Variants in C5orf24 observed in about 807,000 individuals in gnomAD.
The protein encoded by C5orf24 is UPF0461 protein C5orf24.
In C5orf24, 4 loss-of-function variants were observed where a neutral mutation model predicts 9.8. The ratio of observed to expected loss-of-function variants is 0.41; its 90% CI spans 0.20 to 0.93. The LOEUF (loss-of-function observed/expected upper bound fraction) is 0.93. Ranked by LOEUF, C5orf24 falls within the 40% of genes least tolerant of loss-of-function variation. C5orf24 has a pLI of 0.33. For missense variants in C5orf24, 170 were observed against 236.9 expected, an observed-to-expected ratio of 0.72 and a Z score of 1.85; for synonymous variants, 73 against 81.3, an observed-to-expected ratio of 0.90 and a Z score of 0.55.
In C5orf24 at chr5:134,855,608, C is replaced by G; in HGVS notation, c.*141C>G. 1 of 1,480,294 alleles carries G rather than the reference C, an allele frequency of 6.8e-7. No individual in the cohort carries two copies. Among genetic ancestry groups the G allele is most frequent in the Non-Finnish European group, 8.9e-7 (1 of 1,118,830 alleles). The allele number at this position is 1,480,294 out of a possible 1,614,324, so 91.7% of individuals were successfully genotyped here. On this transcript the variant is annotated 3_prime_UTR_variant, in exon 2 of 2. Transcript: ENST00000394976. ...CTGTTTGGTTTTTTTCCTGCTTTTG[C>G]TCAAAAACTGCCATATGCTGACAGA...
chr5:134,846,956 GTGATCTT>G (rs1756013865), intron 1 of C5orf24: 1 of 152,166 alleles, frequency 6.6e-6, no homozygotes, highest in Non-Finnish European at 1.5e-5. Flanking sequence ...TGAGAATTAC[GTGATCTT>G]TGATCTTTGG....
Position 134,857,280 on chromosome 5 carries a change from T to C in C5orf24, c.*1813T>C. 3 of 1,467,666 alleles carry C rather than the reference T, an allele frequency of 2.0e-6. No individual in the cohort carries two copies. The highest frequency in any genetic ancestry group is 2.7e-6 in the Non-Finnish European group (3 of 1,097,626). 90.9% of individuals were successfully genotyped at this position (1,467,666 alleles called of 1,614,324 possible). A position where few individuals can be genotyped will look rare whatever the true frequency, so the allele number is the denominator to read the frequency against. On this transcript the variant is annotated 3_prime_UTR_variant, in exon 2 of 2. Transcript: ENST00000394976. Reference sequence around the variant, plus strand: ...ATAATTAAAATTTTAAAAGAGCACATGTTGTGTTTTTTGGGCTTGCTATTA... The same window carrying C: ...ATAATTAAAATTTTAAAAGAGCACACGTTGTGTTTTTTGGGCTTGCTATTA...
chr5:134,843,795 T>G (rs1755934688), upstream of C5orf24, among the ~76,000 whole-genome samples: 1 of 152,220 alleles, frequency 6.6e-6, no homozygotes, highest in African/African-American at 2.4e-5. Context: ...TTTCAGGGGA[T>G]CCACCCGCCT....
intron 1 of C5orf24, among the ~76,000 whole-genome samples, chr5:134,847,721 T>C (rs1035767101): frequency 3.6e-5 from 5 of 138,858 alleles, no homozygotes; most frequent in Admixed American, 7.2e-5. Flanking sequence ...TTTTTTTTTT[T>C]CCTGAGATGG....
chr5:134,855,139 A>G lies in C5orf24; in HGVS notation c.239A>G (p.Lys80Arg), dbSNP rs767841849. The G allele has an allele frequency of 2.5e-6, 4 of 1,614,124 alleles. No homozygotes were observed. The highest frequency in any genetic ancestry group is 1.6e-4 in the Middle Eastern group (1 of 6,062). The change falls in exon 2 of 2, where the codon AAA (lysine) becomes AGA (arginine). Residue 80 changes from lysine (K) to arginine (R), a missense_variant. Around this residue, in one of 3 missense-constraint regions of C5orf24, gnomAD observed 93 missense variants for 104.5 expected, o/e 0.89. Transcript: ENST00000394976. ...RSIEIKDELK[K>R]KKNLNRSGKR... ...ATAGAAATAAAAGATGAACTAAAGAAAAAGAAGAATCTCAACCGATCTGGT... is the reference window on the plus strand; with the variant it reads ...ATAGAAATAAAAGATGAACTAAAGAGAAAGAAGAATCTCAACCGATCTGGT...
In C5orf24 at chr5:134,856,121, T is replaced by G. The variant is rs1756303543; in HGVS notation, c.*654T>G. 1.0e-6 allele frequency: 1 copy of G among 1,000,162 alleles called. No homozygotes were observed. The highest frequency in any genetic ancestry group is 1.7e-5 in the African/African-American group (1 of 57,238). 62.0% of individuals were successfully genotyped at this position (1,000,162 alleles called of 1,614,324 possible). On this transcript the variant is annotated 3_prime_UTR_variant, in exon 2 of 2. Coordinates refer to ENST00000394976, the MANE Select transcript of C5orf24 (RefSeq NM_001135586.1). ...TGTTTGCCTTTGAGCAGTGATAGGT[T>G]GTGTATTTTTTAATTGCCTAAGAGC...
the C5orf24 span, among the ~76,000 whole-genome samples, chr5:134,837,184 G>C: frequency 1.3e-5 from 2 of 151,938 alleles, no homozygotes; most frequent in African/African-American, 4.8e-5. Context: ...TGTTGGTCAG[G>C]CTGGTCTAGA....
the C5orf24 span, among the ~76,000 whole-genome samples, chr5:134,837,652 A>G: frequency 2.6e-5 from 4 of 151,132 alleles, no homozygotes; most frequent in African/African-American, 9.7e-5. Flanking sequence ...CCCTTCTGCC[A>G]TGTGAGAACA....
At chr5:134,853,577 A>G (rs529998154) in intron 1 of C5orf24, among the ~76,000 whole-genome samples, 18 of 109,884 alleles carry the variant, frequency 1.6e-4, no homozygotes, top group Non-Finnish European at 2.4e-4. Context: ...GAATCTTGCT[A>G]TGCTGCCCAG....
At chr5:134,840,710 T>C (rs1038890559), upstream of C5orf24, among the ~76,000 whole-genome samples, 1 of 151,940 alleles carries the variant, frequency 6.6e-6, no homozygotes, top group Non-Finnish European at 1.5e-5. Context: ...TTTTTTTTTT[T>C]CTGGTATTGG....
chr5:134,849,531 G>T (rs879335610), intron 1 of C5orf24, among the ~76,000 whole-genome samples: 1 of 150,660 alleles, frequency 6.6e-6, no homozygotes, highest in Admixed American at 6.6e-5. Context: ...TAAATTCCTT[G>T]TCCAGCTTGT....
intron 1 of C5orf24, among the ~76,000 whole-genome samples, chr5:134,850,116 T>C (rs548499136): frequency 3.1e-4 from 47 of 152,246 alleles, no homozygotes; most frequent in Admixed American, 9.8e-4. Context: ...TTCTGGACAA[T>C]ATTGAAGGAA....
chr5:134,853,224 G>A (rs887593985), intron 1 of C5orf24, among the ~76,000 whole-genome samples: 7 of 151,972 alleles, frequency 4.6e-5, no homozygotes, highest in African/African-American at 1.4e-4. Flanking sequence ...AGCCAGGCGT[G>A]GTGGCACATG....
chr5:134,845,797 T>C (rs1406511947), upstream of C5orf24: 1 of 152,242 alleles, frequency 6.6e-6, no homozygotes, highest in African/African-American at 2.4e-5. Flanking sequence ...CTGGGGACGG[T>C]CCACGCCGGA....
chr5:134,843,207 C>G (rs952386546), upstream of C5orf24, among the ~76,000 whole-genome samples: 1 of 151,946 alleles, frequency 6.6e-6, no homozygotes, highest in Admixed American at 6.6e-5. Context: ...GAACTTCTGG[C>G]CTCAAGTAAT....
chr5:134,839,215 A>T, the C5orf24 span, among the ~76,000 whole-genome samples: 2 of 151,480 alleles, frequency 1.3e-5, no homozygotes, highest in African/African-American at 4.9e-5. Flanking sequence ...AAAAAAAAAA[A>T]CCCAATCTGA....
intron 1 of C5orf24, among the ~76,000 whole-genome samples, chr5:134,851,004 A>G (rs1261637800): frequency 1.5e-4 from 22 of 145,764 alleles, no homozygotes; most frequent in Non-Finnish European, 7.4e-5. Context: ...ATATTTATTT[A>G]TTTATTTATT....
Position 134,856,802 on chromosome 5 carries a change from A to G in C5orf24, c.*1335A>G. ...ATATCTACCAAAGGACACAAATTGAATGGTAGACTGTAAAACTGGTATAAA... is the reference window on the plus strand; with the variant it reads ...ATATCTACCAAAGGACACAAATTGAGTGGTAGACTGTAAAACTGGTATAAA... On this transcript the variant is annotated 3_prime_UTR_variant, in exon 2 of 2. Coordinates refer to ENST00000394976, the MANE Select transcript of C5orf24 (RefSeq NM_001135586.1). The G allele has an allele frequency of 1.0e-6, 1 of 1,000,258 alleles. No individual in the cohort carries two copies. Among genetic ancestry groups the G allele is most frequent in the Non-Finnish European group, 1.2e-6 (1 of 829,948 alleles). 62.0% of individuals were successfully genotyped at this position (1,000,258 alleles called of 1,614,324 possible).
intron 1 of C5orf24, chr5:134,846,858 A>G (rs1257876132): frequency 3.3e-5 from 5 of 152,148 alleles, no homozygotes; most frequent in Admixed American, 3.3e-4. Context: ...TTTCAGAGTG[A>G]TTGAGGTGAG....
Sources: allele counts gnomAD v4.1 joint callset (sites outside exome capture counted in the v4.1 genomes callset), GRCh38; gene constraint gnomAD v4.1.1; regional missense constraint gnomAD v4.1.1; transcripts MANE v1.5; gene names NCBI Gene and HGNC (gene_info 2026-07-23, HGNC 2026-07-21).